BANF2: variants seen among roughly 807,000 people sequenced by gnomAD.
BANF2 encodes the protein BANF family member 2, also known as barrier-to-autointegration factor-like protein.
Under a neutral mutation model 8.0 loss-of-function variants are expected in BANF2, and 4 were observed. The ratio of observed to expected loss-of-function variants is 0.50; its 90% CI spans 0.25 to 1.14. BANF2 has a LOEUF of 1.14. Among genes scored for constraint, BANF2 ranks in the 50% most tolerant of loss-of-function variants. BANF2 has a pLI of 0.16. For missense variants in BANF2, 96 were observed against 107.5 expected, an observed-to-expected ratio of 0.89 and a Z score of 0.47; for synonymous variants, 50 against 40.6, an observed-to-expected ratio of 1.23 and a Z score of -0.88.
chr20:17,706,882 A>G (rs1171263001), intron 1 of BANF2, among the ~76,000 whole-genome samples: 2 of 152,340 alleles, frequency 1.3e-5, no homozygotes, highest in East Asian at 3.9e-4. Context: ...TCCAAAGTCC[A>G]TGCAGGCAAG....
At chr20:17,725,388 A>G (rs2296908) in intron 3 of BANF2, among the ~76,000 whole-genome samples, 4,578 of 152,338 alleles carry the variant, frequency 0.03, 193 homozygotes, top group African/African-American at 0.091. Flanking sequence ...CAGCTGGGCT[A>G]GGCATGATTC....
At chr20:17,726,836 G>A (rs757778238) in intron 3 of BANF2, among the ~76,000 whole-genome samples, 8 of 152,190 alleles carry the variant, frequency 5.3e-5, no homozygotes, top group Non-Finnish European at 1.2e-4. Context: ...AGGTATAATT[G>A]ACATACATAC....
At chr20:17,728,475 GTCCCCT>G (rs1386755047) in intron 3 of BANF2, among the ~76,000 whole-genome samples, 1 of 152,146 alleles carries the variant, frequency 6.6e-6, no homozygotes, top group African/African-American at 2.4e-5. Context: ...CTCTCTGGGA[GTCCCCT>G]TCTCAAACTC....
chr20:17,712,628 G>A, intron 1 of BANF2: 2 of 787,238 alleles, frequency 2.5e-6, no homozygotes, highest in Non-Finnish European at 3.1e-6. Context: ...ATAATGAGGT[G>A]AGCCTTCTTC....
chr20:17,719,712 G>T (rs1032100304), intron 1 of BANF2, among the ~76,000 whole-genome samples: 3 of 150,094 alleles, frequency 2.0e-5, no homozygotes, highest in Non-Finnish European at 4.4e-5. Context: ...AAGAGGAGCA[G>T]CTTGTTATTC....
intron 3 of BANF2, among the ~76,000 whole-genome samples, chr20:17,727,170 C>T (rs1376449066): frequency 2.0e-5 from 3 of 152,194 alleles, no homozygotes; most frequent in Non-Finnish European, 4.4e-5. Flanking sequence ...CGAGTCAGGG[C>T]TGTGGGGACG....
upstream of BANF2, among the ~76,000 whole-genome samples, chr20:17,695,908 A>G (rs1486890317): frequency 1.3e-5 from 2 of 152,204 alleles, no homozygotes; most frequent in African/African-American, 4.8e-5. Context: ...CCAGGACTTC[A>G]TATAACAGGA....
At chr20:17,707,045 G>A (rs1246513879) in intron 1 of BANF2, among the ~76,000 whole-genome samples, 1 of 152,146 alleles carries the variant, frequency 6.6e-6, no homozygotes, top group Non-Finnish European at 1.5e-5. Flanking sequence ...TTTCAGATGG[G>A]TTTGCAAGCA....
At chr20:17,718,768 C>A (rs1170517808) in intron 1 of BANF2, among the ~76,000 whole-genome samples, 1 of 152,188 alleles carries the variant, frequency 6.6e-6, no homozygotes, top group Non-Finnish European at 1.5e-5. Flanking sequence ...AGATTAAATT[C>A]TACTGATTCC....
At chr20:17,735,640 C>A (rs775901977) in intron 3 of BANF2, 25 bp from the exon 4 acceptor site, 1 of 1,609,720 alleles carries the variant, frequency 6.2e-7, no homozygotes, top group Non-Finnish European at 8.5e-7. Flanking sequence ...TTCCTGCTTT[C>A]CTCCCTGTCT....
At chr20:17,720,841 A>C (rs576130669) in intron 1 of BANF2, among the ~76,000 whole-genome samples, 1 of 152,346 alleles carries the variant, frequency 6.6e-6, no homozygotes, top group East Asian at 1.9e-4. Flanking sequence ...ACATAAAAAG[A>C]GTAAGTGGCA....
chr20:17,702,779 T>A (rs1254409320), intron 1 of BANF2, among the ~76,000 whole-genome samples: 1 of 152,206 alleles, frequency 6.6e-6, no homozygotes, highest in African/African-American at 2.4e-5. Context: ...TCTGAGTTAT[T>A]CTATAGCCAT....
intron 3 of BANF2, among the ~76,000 whole-genome samples, chr20:17,728,204 C>A (rs1336492313): frequency 1.3e-5 from 2 of 152,208 alleles, no homozygotes; most frequent in Non-Finnish European, 2.9e-5. Context: ...TTGCTGTGCA[C>A]AAAGCCACCT....
chr20:17,725,183 T>C, intron 3 of BANF2, 32 bp downstream of exon 3: 4 of 1,593,810 alleles, frequency 2.5e-6, no homozygotes, highest in Non-Finnish European at 3.4e-6. Flanking sequence ...CTCTGACTTC[T>C]CTTCCCTACC....
At chr20:17,721,367 A>T (rs1600223683) in intron 1 of BANF2, among the ~76,000 whole-genome samples, 1 of 139,098 alleles carries the variant, frequency 7.2e-6, no homozygotes, top group East Asian at 2.2e-4. Context: ...TCATTTGGAA[A>T]TTTTTTTTCT....
intron 1 of BANF2, among the ~76,000 whole-genome samples, chr20:17,710,955 G>A (rs1374317454): frequency 1.3e-5 from 2 of 152,092 alleles, no homozygotes; most frequent in Non-Finnish European, 2.9e-5. Context: ...CGGGGGCGCC[G>A]CCAGATGAAA....
chr20:17,732,664 C>A (rs946505782), intron 3 of BANF2, among the ~76,000 whole-genome samples: 9 of 152,164 alleles, frequency 5.9e-5, no homozygotes, highest in African/African-American at 1.9e-4. Flanking sequence ...CCGAGCCCCC[C>A]CTCTTACAGC....
intron 3 of BANF2, among the ~76,000 whole-genome samples, chr20:17,726,416 G>A (rs1343404988): frequency 1.3e-5 from 2 of 152,052 alleles, no homozygotes; most frequent in Non-Finnish European, 2.9e-5. Context: ...CGAACTCCTG[G>A]ACTCAAGTGA....
intron 3 of BANF2, among the ~76,000 whole-genome samples, chr20:17,735,239 T>A (rs2037960669): frequency 6.6e-6 from 1 of 152,124 alleles, no homozygotes; most frequent in Non-Finnish European, 1.5e-5. Flanking sequence ...TCACTGGAGG[T>A]CTGAAGGGAG....
Sources: allele counts gnomAD v4.1 joint callset (sites outside exome capture counted in the v4.1 genomes callset), GRCh38; gene constraint gnomAD v4.1.1; transcripts MANE v1.5; gene names NCBI Gene and HGNC (gene_info 2026-07-23, HGNC 2026-07-21).